Variants in IL1RAP observed in about 807,000 individuals in gnomAD.
IL1RAP encodes interleukin 1 receptor accessory protein, also known as interleukin-1 receptor accessory protein.
IL1RAP carries 35 observed loss-of-function variants against 60.7 expected under a neutral mutation model. That is an observed-to-expected ratio of 0.58 (90% CI 0.44 to 0.76). IL1RAP has a LOEUF of 0.76. IL1RAP is among the 30% of genes least tolerant of loss of function. IL1RAP has a pLI of 0.00. For missense variants in IL1RAP, 572 were observed against 693.9 expected (o/e 0.82, Z 1.97); for synonymous variants, 268 against 250.9 (o/e 1.07, Z -0.64).
intron 11 of IL1RAP, 64 bp downstream of exon 11, chr3:190,645,906 C>T (rs1733980913): frequency 7.0e-7 from 1 of 1,421,492 alleles, no homozygotes; most frequent in Admixed American, 2.0e-5. Flanking sequence ...ATTAGTTTTG[C>T]ATTATGGGAG....
chr3:190,522,289 G>GCTTGCTTGCTTC (rs1481738684), intron 1 of IL1RAP, among the ~76,000 whole-genome samples: 1 of 135,364 alleles, frequency 7.4e-6, no homozygotes, highest in Non-Finnish European at 1.6e-5. Flanking sequence ...GCCTTCCTTT[G>GCTTGCTTGCTTC]CTTCCTTCCT....
chr3:190,606,471 A>T (rs1171155811), intron 4 of IL1RAP, among the ~76,000 whole-genome samples: 2 of 152,200 alleles, frequency 1.3e-5, no homozygotes, highest in Admixed American at 1.3e-4. Flanking sequence ...GGAAGAAGTC[A>T]TCAGGAGCTT....
intron 7 of IL1RAP, among the ~76,000 whole-genome samples, chr3:190,623,885 G>A (rs1056466480): frequency 6.6e-5 from 10 of 152,146 alleles, no homozygotes; most frequent in South Asian, 2.1e-4. Context: ...TGGCTCTTCG[G>A]TTCTTCTTTT....
At chr3:190,634,676 A>T (rs963378296) in intron 9 of IL1RAP, among the ~76,000 whole-genome samples, 5 of 151,430 alleles carry the variant, frequency 3.3e-5, no homozygotes, top group Non-Finnish European at 7.4e-5. Context: ...TGCTCAAAAG[A>T]ATTACTCATA....
chr3:190,582,464 C>T (rs1411762413), intron 3 of IL1RAP, among the ~76,000 whole-genome samples: 3 of 151,974 alleles, frequency 2.0e-5, no homozygotes, highest in Admixed American at 1.3e-4. Context: ...GGATTACACG[C>T]GTGCGCCACC....
intron 5 of IL1RAP, among the ~76,000 whole-genome samples, chr3:190,618,552 T>C (rs1263506325): frequency 6.6e-6 from 1 of 152,210 alleles, no homozygotes; most frequent in Non-Finnish European, 1.5e-5. Flanking sequence ...GTCTGATCTG[T>C]CTACTTCACA....
At chr3:190,652,238 T>G (rs1734435843), downstream of IL1RAP, among the ~76,000 whole-genome samples, 1 of 151,340 alleles carries the variant, frequency 6.6e-6, no homozygotes, top group African/African-American at 2.4e-5. Context: ...CTGAAGCGGA[T>G]GGATCAAGAG....
At position 190,649,211 on chromosome 3, in the gene IL1RAP, A is replaced by G. The variant is rs760021935; in HGVS notation, c.*506A>G. 3 of 986,300 alleles carry G rather than the reference A, an allele frequency of 3.0e-6. No individual in the cohort carries two copies. The highest frequency in any genetic ancestry group is 4.7e-5 in the South Asian group (1 of 21,366). The allele number at this position is 986,300 out of a possible 1,614,324, so 61.1% of individuals were successfully genotyped here. On this transcript the variant is annotated 3_prime_UTR_variant, in exon 12 of 12. Coordinates refer to ENST00000447382, the MANE Select transcript of IL1RAP (RefSeq NM_002182.4). ...TTTTCCTCATTCGGCTGTATAATACATAACCACAGCAAGACTGACATCCAC... is the reference window on the plus strand; with the variant it reads ...TTTTCCTCATTCGGCTGTATAATACGTAACCACAGCAAGACTGACATCCAC...
rs372473538 is a variant in IL1RAP at position 190,570,486 on chromosome 3, A to G, written c.64+6133A>G. Among the ~76,000 whole-genome samples, 10 of 152,302 alleles carry G rather than the reference A, an allele frequency of 6.6e-5. No individual in the cohort carries two copies. The East Asian group carries it at 1.4e-3, about 21-fold the overall frequency. ...AATAGCACTTTTCTGCAGTGTTTGTAGGGTCTGAAATAGTTTAAGGCTCTT... is the reference window on the plus strand; with the variant it reads ...AATAGCACTTTTCTGCAGTGTTTGTGGGGTCTGAAATAGTTTAAGGCTCTT... On this transcript the variant is annotated intron_variant, in intron 3 of 11. Transcript: ENST00000447382.
At chr3:190,586,109 C>T (rs1728432158) in intron 3 of IL1RAP, among the ~76,000 whole-genome samples, 1 of 152,160 alleles carries the variant, frequency 6.6e-6, no homozygotes, top group Non-Finnish European at 1.5e-5. Context: ...TCTGTGAAGG[C>T]ACCGATGAGT....
intron 2 of IL1RAP, among the ~76,000 whole-genome samples, chr3:190,559,921 T>A (rs1725741560): frequency 6.6e-6 from 1 of 152,180 alleles, no homozygotes; most frequent in East Asian, 1.9e-4. Context: ...TTTACTTCAT[T>A]TTACCCCAAA....
At chr3:190,622,964 A>T (rs541997964) in intron 6 of IL1RAP, among the ~76,000 whole-genome samples, 44 of 152,310 alleles carry the variant, frequency 2.9e-4, no homozygotes, top group African/African-American at 9.4e-4. Flanking sequence ...GCCACCAATC[A>T]TTTCATTAGC....
Position 190,648,512 on chromosome 3 carries a change from A to G in IL1RAP, c.1520A>G (p.Lys507Arg). Residue 507 changes from lysine (K) to arginine (R), a missense_variant, in exon 12 of 12, where the codon AAG (lysine) becomes AGG (arginine). Transcript: ENST00000447382. Reference protein sequence around the residue: ...NVILVQYKAVKETKVKELKRA... With the variant: ...NVILVQYKAVRETKVKELKRA... ...ATTTTAGTACAGTACAAAGCTGTGAAGGAAACGAAGGTGAAAGAGCTGAAG... is the reference window on the plus strand; with the variant it reads ...ATTTTAGTACAGTACAAAGCTGTGAGGGAAACGAAGGTGAAAGAGCTGAAG... The G allele has an allele frequency of 1.2e-6, 2 of 1,614,132 alleles. 1 individual carries two copies. Among genetic ancestry groups the G allele is most frequent in the South Asian group, 2.2e-5 (2 of 91,090 alleles).
At chr3:190,549,092 G>T (rs527461084) in intron 1 of IL1RAP, among the ~76,000 whole-genome samples, 68 of 133,078 alleles carry the variant, frequency 5.1e-4, no homozygotes, top group African/African-American at 2.4e-3. Flanking sequence ...GATTTATTTG[G>T]CAAAAAGGAA....
intron 5 of IL1RAP, among the ~76,000 whole-genome samples, chr3:190,616,825 A>T (rs913185183): frequency 5.9e-5 from 9 of 152,156 alleles, no homozygotes; most frequent in Non-Finnish European, 1.3e-4. Flanking sequence ...GGCAACACTA[A>T]CGTGTCGAGC....
chr3:190,590,950 C>T (rs1340047699), intron 3 of IL1RAP, among the ~76,000 whole-genome samples: 1 of 152,166 alleles, frequency 6.6e-6, no homozygotes, highest in African/African-American at 2.4e-5. Flanking sequence ...CAAGTAAACT[C>T]TTGTGTTACT....
At chr3:190,582,317 C>CTT (rs371785536) in intron 3 of IL1RAP, among the ~76,000 whole-genome samples, 1 of 140,528 alleles carries the variant, frequency 7.1e-6, no homozygotes, top group African/African-American at 2.6e-5. Flanking sequence ...CTTTTCTTTT[C>CTT]TTTTTTTTTT....
chr3:190,608,028 ACT>A (rs1341242877), intron 4 of IL1RAP, among the ~76,000 whole-genome samples: 1 of 152,124 alleles, frequency 6.6e-6, no homozygotes, highest in East Asian at 1.9e-4. Context: ...ACCATTATTG[ACT>A]CTGCATAAAT....
At chr3:190,596,330 A>T (rs1490132430) in intron 3 of IL1RAP, among the ~76,000 whole-genome samples, 2 of 151,430 alleles carry the variant, frequency 1.3e-5, no homozygotes, top group Admixed American at 6.6e-5. Context: ...TGGGACAAAC[A>T]TCCTAGCTCT....
Sources: allele counts gnomAD v4.1 joint callset (sites outside exome capture counted in the v4.1 genomes callset), GRCh38; gene constraint gnomAD v4.1.1; transcripts MANE v1.5; gene names NCBI Gene and HGNC (gene_info 2026-07-23, HGNC 2026-07-21).